SAMD3: variants seen among roughly 807,000 people sequenced by gnomAD.
The protein encoded by SAMD3 is sterile alpha motif domain containing 3.
Under a neutral mutation model 58.5 loss-of-function variants are expected in SAMD3, and 63 were observed. That is an observed-to-expected ratio of 1.08 (90% CI 0.88 to 1.33). The LOEUF is 1.33. Ranked by LOEUF, SAMD3 falls within the 40% of genes most tolerant of loss-of-function variation. SAMD3 has a pLI of 0.00. For missense variants in SAMD3, 604 were observed against 608.4 expected (o/e 0.99, Z 0.08); for synonymous variants, 220 against 210.3 (o/e 1.05, Z -0.40).
intron 7 of SAMD3, among the ~76,000 whole-genome samples, chr6:130,179,810 CT>C (rs71028199): frequency 7.7e-5 from 9 of 116,234 alleles, no homozygotes; most frequent in Admixed American, 3.1e-4. Flanking sequence ...TGTCCTTATT[CT>C]TTTTTTTTTT....
In SAMD3 at chr6:130,255,370, A is replaced by T. The variant is rs568462772; in HGVS notation, c.-187-32557T>A. Among the ~76,000 whole-genome samples the T allele has an allele frequency of 2.6e-5, 4 of 152,262 alleles. No homozygotes were observed. In the South Asian group the frequency reaches 8.3e-4, roughly 32 times the overall value. On this transcript the variant is annotated intron_variant, in intron 2 of 13. Coordinates refer to the SAMD3 transcript ENST00000368134. The stretch of plus-strand genomic sequence containing the variant: ...TCCTTATTAATTTTCTATCTGGATG[A>T]TCTGCTCATTGTTGATAATAGGGTA...
chr6:130,198,038 G>A (rs978352729), intron 5 of SAMD3, among the ~76,000 whole-genome samples: 2 of 152,024 alleles, frequency 1.3e-5, no homozygotes, highest in African/African-American at 4.8e-5. Flanking sequence ...GACCCCCTCA[G>A]TCCTGCCTGC....
chr6:130,196,771 G>A (rs562940454), intron 5 of SAMD3, among the ~76,000 whole-genome samples: 62 of 152,282 alleles, frequency 4.1e-4, no homozygotes, highest in Admixed American at 5.2e-4. Flanking sequence ...AACATGCCCC[G>A]AGTCAGATAA....
intron 5 of SAMD3, among the ~76,000 whole-genome samples, chr6:130,187,371 C>T (rs1436846358): frequency 6.6e-6 from 1 of 151,874 alleles, no homozygotes; most frequent in Non-Finnish European, 1.5e-5. Context: ...ATCAAACATC[C>T]ACAATGTAGC....
At chr6:130,365,604 G>T, upstream of SAMD3, 7 of 985,470 alleles carry the variant, frequency 7.1e-6, no homozygotes, top group Non-Finnish European at 7.2e-6. Flanking sequence ...AGAACTGGGG[G>T]AGCCGGGTCC....
In SAMD3 at chr6:130,215,259, T is replaced by C. The variant is rs773727666; in HGVS notation, c.15A>G (p.Ser5=). 6 of 1,610,236 alleles carry C rather than the reference T, an allele frequency of 3.7e-6. No individual in the cohort carries two copies. The South Asian group carries it at 6.6e-5, about 18-fold the overall frequency. The change falls in exon 3 of 12, where the codon TCA becomes TCG. Residue 5 remains serine, a synonymous_variant. Transcript: ENST00000439090. METW[S]VEQVCSWLVE... ...CCAACCAACTGCAGACCTGCTCAAC[T>C]GACCAGGTTTCCATTGCTGTCTCCT...
chr6:130,295,489 C>T (rs1186949986), intron 2 of SAMD3, among the ~76,000 whole-genome samples: 1 of 152,164 alleles, frequency 6.6e-6, no homozygotes, highest in East Asian at 1.9e-4. Context: ...GGAATACAGG[C>T]TTCCATTTTC....
chr6:130,233,104 C>T (rs1396478985), intron 2 of SAMD3, among the ~76,000 whole-genome samples: 1 of 152,156 alleles, frequency 6.6e-6, no homozygotes, highest in African/African-American at 2.4e-5. Context: ...TCCCCCACTT[C>T]AGGCACCAAC....
intron 2 of SAMD3, among the ~76,000 whole-genome samples, chr6:130,295,658 C>A (rs1371102326): frequency 6.6e-6 from 1 of 152,152 alleles, no homozygotes; most frequent in African/African-American, 2.4e-5. Context: ...ATGGGATTAT[C>A]ATAATTGGCC....
At chr6:130,362,038 C>T (rs1443096944) in intron 1 of SAMD3, among the ~76,000 whole-genome samples, 1 of 152,198 alleles carries the variant, frequency 6.6e-6, no homozygotes, top group Non-Finnish European at 1.5e-5. Flanking sequence ...AAAGGCTATG[C>T]TCTCTGTGTA....
chr6:130,315,994 G>T (rs1776352258), intron 1 of SAMD3, among the ~76,000 whole-genome samples: 1 of 152,132 alleles, frequency 6.6e-6, no homozygotes, highest in Non-Finnish European at 1.5e-5. Flanking sequence ...GAGACTAAAA[G>T]AATGGGATAT....
chr6:130,321,162 A>G (rs1562521101), intron 1 of SAMD3, among the ~76,000 whole-genome samples: 1 of 152,196 alleles, frequency 6.6e-6, no homozygotes, highest in Non-Finnish European at 1.5e-5. Context: ...TGAGGTTACA[A>G]AAAGAGTCTG....
At chr6:130,288,073 A>T (rs1049006037) in intron 2 of SAMD3, among the ~76,000 whole-genome samples, 1 of 152,216 alleles carries the variant, frequency 6.6e-6, no homozygotes, top group Non-Finnish European at 1.5e-5. Context: ...CATTTTGTGA[A>T]AAATATTAGG....
intron 2 of SAMD3, among the ~76,000 whole-genome samples, chr6:130,265,974 A>C (rs1383139204): frequency 6.6e-6 from 1 of 152,192 alleles, no homozygotes; most frequent in African/African-American, 2.4e-5. Flanking sequence ...TTGGATTAAA[A>C]AAATGAAAAA....
chr6:130,295,157 A>C (rs531925566), intron 2 of SAMD3, among the ~76,000 whole-genome samples: 11 of 152,142 alleles, frequency 7.2e-5, no homozygotes, highest in Non-Finnish European at 1.5e-4. Flanking sequence ...TCCCGACCTC[A>C]GGTGAACCAT....
At chr6:130,346,658 G>T (rs1777464132) in intron 1 of SAMD3, among the ~76,000 whole-genome samples, 1 of 152,218 alleles carries the variant, frequency 6.6e-6, no homozygotes, top group Non-Finnish European at 1.5e-5. Flanking sequence ...TGGGGGCCGG[G>T]CATAGCCAAA....
At chr6:130,261,469 T>C (rs1480416138) in intron 2 of SAMD3, among the ~76,000 whole-genome samples, 2 of 152,182 alleles carry the variant, frequency 1.3e-5, no homozygotes, top group Non-Finnish European at 2.9e-5. Context: ...TGACTTGACT[T>C]GGATTGCTTG....
At chr6:130,242,027 A>G (rs1193821442) in intron 2 of SAMD3, among the ~76,000 whole-genome samples, 2 of 152,200 alleles carry the variant, frequency 1.3e-5, no homozygotes, top group Non-Finnish European at 2.9e-5. Flanking sequence ...AAAATATGGC[A>G]GGAAATTCAG....
intron 1 of SAMD3, among the ~76,000 whole-genome samples, chr6:130,336,976 C>T (rs1357496381): frequency 1.1e-4 from 17 of 152,302 alleles, no homozygotes; most frequent in Middle Eastern, 3.4e-3. Context: ...ACGCCACCAG[C>T]AAAGATTGTA....
Sources: allele counts gnomAD v4.1 joint callset (sites outside exome capture counted in the v4.1 genomes callset), GRCh38; gene constraint gnomAD v4.1.1; transcripts MANE v1.5; gene names NCBI Gene and HGNC (gene_info 2026-07-23, HGNC 2026-07-21).